THSD7B: variants seen among roughly 807,000 people sequenced by gnomAD.
The protein encoded by THSD7B is thrombospondin type-1 domain-containing protein 7B.
A neutral mutation model predicts 213.6 loss-of-function variants in THSD7B; 138 were observed. That is an observed-to-expected ratio of 0.65 (90% CI 0.56 to 0.74). The LOEUF (loss-of-function observed/expected upper bound fraction) is 0.74. Among genes scored for constraint, THSD7B ranks in the 30% least tolerant of loss-of-function variants. The pLI, the probability that THSD7B is intolerant of heterozygous loss-of-function variation, is 0.00. For synonymous variants in THSD7B, 742 were observed against 687.0 expected (o/e 1.08, Z -1.25); for missense variants, 1,931 against 1,991.5 (o/e 0.97, Z 0.58).
At chr2:137,575,585 C>A (rs1681441370) in intron 17 of THSD7B, among the ~76,000 whole-genome samples, 1 of 151,758 alleles carries the variant, frequency 6.6e-6, no homozygotes, top group Non-Finnish European at 1.5e-5. Context: ...GTACTGGGAC[C>A]ATTTTTTTAA....
chr2:137,623,549 G>T (rs1048428726), intron 20 of THSD7B, among the ~76,000 whole-genome samples: 1 of 152,204 alleles, frequency 6.6e-6, no homozygotes, highest in African/African-American at 2.4e-5. Flanking sequence ...GTCCCTGTTT[G>T]CAGATGACAT....
At chr2:137,181,101 C>T (rs909117535) in intron 7 of THSD7B, among the ~76,000 whole-genome samples, 2 of 152,164 alleles carry the variant, frequency 1.3e-5, no homozygotes, top group Non-Finnish European at 2.9e-5. Flanking sequence ...GTTTTCCCTG[C>T]AACTGTAATT....
At chr2:137,345,482 G>A (rs573470280) in intron 12 of THSD7B, among the ~76,000 whole-genome samples, 5 of 151,660 alleles carry the variant, frequency 3.3e-5, no homozygotes, top group Admixed American at 6.6e-5. Flanking sequence ...AGACATAGAC[G>A]TCTCTGAAAG....
chr2:137,448,665 G>C (rs1050120498), intron 14 of THSD7B, among the ~76,000 whole-genome samples: 4 of 152,178 alleles, frequency 2.6e-5, no homozygotes, highest in African/African-American at 9.7e-5. Flanking sequence ...CGGGAGCGGT[G>C]GCGGGCGCCT....
Position 137,100,133 on chromosome 2 carries a change from T to G in THSD7B, c.1199+5012T>G, listed in dbSNP as rs568376955. ...CCTTTTTTCTTGAGAAAACCCTGGG[T>G]ATTAGTTGATGAATTTTTAGATAAA... On this transcript the variant is annotated intron_variant, in intron 4 of 27. Transcript: ENST00000409968. Among the ~76,000 whole-genome samples, 7 of 152,098 alleles carry G rather than the reference T, an allele frequency of 4.6e-5. No homozygotes were observed. The South Asian group carries it at 1.5e-3, about 32-fold the overall frequency.
intron 2 of THSD7B, among the ~76,000 whole-genome samples, chr2:136,901,382 A>G (rs1030728131): frequency 2.6e-5 from 4 of 152,228 alleles, no homozygotes; most frequent in Non-Finnish European, 5.9e-5. Flanking sequence ...TTGACGTAAA[A>G]CTTTTCACCT....
At chr2:137,140,881 A>T (rs1261388174) in intron 5 of THSD7B, among the ~76,000 whole-genome samples, 1 of 152,188 alleles carries the variant, frequency 6.6e-6, no homozygotes, top group Non-Finnish European at 1.5e-5. Flanking sequence ...GAGAGTAAAT[A>T]ATAATAAACG....
At chr2:137,611,813 T>C (rs893506467) in intron 17 of THSD7B, among the ~76,000 whole-genome samples, 7 of 152,174 alleles carry the variant, frequency 4.6e-5, no homozygotes, top group East Asian at 1.9e-4. Context: ...CATTTCCTTT[T>C]AAATCCCTAT....
At position 136,882,226 on chromosome 2, in the gene THSD7B, C is replaced by T. The variant is rs1426341673; in HGVS notation, c.48C>T (p.Ser16=). The T allele has an allele frequency of 1.9e-6, 3 of 1,544,514 alleles. No individual in the cohort carries two copies. The highest frequency in any genetic ancestry group is 2.0e-5 in the Admixed American group (1 of 50,050). ...CAGTCACTTGCTGGGTATGGAGGAG[C>T]ATGAGGAAGCTCTTTCTATTGCTTT... is the stretch of plus-strand genomic sequence containing the variant. ...NLTVTCWVWR[S]MRKLFLLLSL... is the part of the protein sequence containing the mutation. Residue 16 remains serine (S), a synonymous_variant, in exon 2 of 28, where the codon AGC becomes AGT. Coordinates refer to ENST00000409968, the MANE Select transcript of THSD7B (RefSeq NM_001316349.2).
rs571577747 is a variant in THSD7B, at chr2:137,055,243, C to T, written c.140-1177C>T. On this transcript the variant is annotated intron_variant, in intron 2 of 27. Coordinates refer to ENST00000409968, the MANE Select transcript of THSD7B (RefSeq NM_001316349.2). Reference sequence around the variant, plus strand: ...TGTGAATAGTGCTGCAATAAACATACGTGTGCATGTGTCTTTATAGTAGAA... The same window carrying T: ...TGTGAATAGTGCTGCAATAAACATATGTGTGCATGTGTCTTTATAGTAGAA... Among the ~76,000 whole-genome samples, 445 of 152,172 alleles carry T rather than the reference C, an allele frequency of 2.9e-3. 3 individuals carry two copies. Among genetic ancestry groups the T allele is most frequent in the African/African-American group, 9.6e-3 (397 of 41,520 alleles).
intron 15 of THSD7B, among the ~76,000 whole-genome samples, chr2:137,513,045 G>A (rs1160589775): frequency 6.6e-6 from 1 of 152,112 alleles, no homozygotes; most frequent in African/African-American, 2.4e-5. Flanking sequence ...AACCTCCAAA[G>A]GGTGTACAAT....
chr2:137,322,589 C>A (rs750378115), intron 12 of THSD7B, among the ~76,000 whole-genome samples: 1 of 152,140 alleles, frequency 6.6e-6, no homozygotes, highest in Non-Finnish European at 1.5e-5. Context: ...AGGATTCAGG[C>A]CCATTCAGAG....
In THSD7B at chr2:137,479,698, A is replaced by G. The variant is rs548658490; in HGVS notation, c.3138+28675A>G. Among the ~76,000 whole-genome samples the G allele has an allele frequency of 2.0e-5, 3 of 152,318 alleles. No individual in the cohort carries two copies. In the East Asian group the frequency reaches 5.8e-4, roughly 29 times the overall value. ...TTTTTGCCCTGGCAGCAGCATCTAG[A>G]AATGGTGCCTGGCTGCTGGCAGGGA... On this transcript the variant is annotated intron_variant, in intron 15 of 27. Transcript: ENST00000409968.
intron 7 of THSD7B, among the ~76,000 whole-genome samples, chr2:137,195,761 A>G (rs1317561003): frequency 6.6e-6 from 1 of 152,190 alleles, no homozygotes; most frequent in East Asian, 1.9e-4. Flanking sequence ...CAGTATTCGT[A>G]ACCATCAGAG....
chr2:136,882,043 A>T, intron 1 of THSD7B, 101 bp from the exon 2 acceptor site: 1 of 888,562 alleles, frequency 1.1e-6, no homozygotes, highest in Non-Finnish European at 1.6e-6. Flanking sequence ...TGCTAATGAA[A>T]AACTTGCAAT....
chr2:137,026,203 C>T (rs1460173246), intron 2 of THSD7B, among the ~76,000 whole-genome samples: 1 of 152,174 alleles, frequency 6.6e-6, no homozygotes, highest in Non-Finnish European at 1.5e-5. Context: ...CAGTCCAGGG[C>T]CAGCGGTGGA....
At chr2:137,481,249 T>C (rs1688300314) in intron 15 of THSD7B, among the ~76,000 whole-genome samples, 1 of 152,250 alleles carries the variant, frequency 6.6e-6, no homozygotes, top group Non-Finnish European at 1.5e-5. Flanking sequence ...CAACTCTTAG[T>C]TAAGACATAT....
At chr2:137,185,747 T>C (rs1475086447) in intron 7 of THSD7B, among the ~76,000 whole-genome samples, 1 of 152,200 alleles carries the variant, frequency 6.6e-6, no homozygotes, top group East Asian at 1.9e-4. Flanking sequence ...TTCCTTTGGC[T>C]ATATACTCAG....
At chr2:137,122,681 G>A (rs998721035) in intron 5 of THSD7B, among the ~76,000 whole-genome samples, 1 of 152,034 alleles carries the variant, frequency 6.6e-6, no homozygotes, top group Non-Finnish European at 1.5e-5. Context: ...TCAACCCTTG[G>A]AGCTCCAACA....
Sources: allele counts gnomAD v4.1 joint callset (sites outside exome capture counted in the v4.1 genomes callset), GRCh38; gene constraint gnomAD v4.1.1; transcripts MANE v1.5; gene names NCBI Gene and HGNC (gene_info 2026-07-23, HGNC 2026-07-21).